The following VPS45 variants were observed in gnomAD, a reference collection of about 807,000 sequenced individuals.
VPS45 encodes vacuolar protein sorting-associated protein 45.
A neutral mutation model predicts 75.9 loss-of-function variants in VPS45; 35 were observed. The observed-to-expected ratio is 0.46, with a 90% CI of 0.35 to 0.61. The LOEUF (loss-of-function observed/expected upper bound fraction) is 0.61. Among genes scored for constraint, VPS45 ranks in the 20% least tolerant of loss-of-function variants. The pLI is 0.00. For synonymous variants in VPS45, 220 were observed against 238.2 expected, an observed-to-expected ratio of 0.92 and a Z score of 0.70; for missense variants, 559 against 685.9, an observed-to-expected ratio of 0.81 and a Z score of 2.07.
chr1:150,131,628 A>G lies in VPS45; in HGVS notation c.1626-13081A>G, dbSNP rs960509549. Reference sequence around the variant, plus strand: ...GACAGGAGAATCACTTGAGGCCAGGAGTTCGAGACCAATCTGGGCAACAAA... The same window carrying G: ...GACAGGAGAATCACTTGAGGCCAGGGGTTCGAGACCAATCTGGGCAACAAA... On this transcript the variant is annotated intron_variant, in intron 14 of 14. Transcript: ENST00000644510. Among the ~76,000 whole-genome samples, 26 of 151,276 alleles carry G rather than the reference A, an allele frequency of 1.7e-4. 1 individual carries two copies. The highest frequency in any genetic ancestry group is 5.9e-5 in the Non-Finnish European group (4 of 67,944).
intron 7 of VPS45, 91 bp downstream of exon 7, chr1:150,077,870 T>C (rs1655484926): frequency 8.8e-6 from 9 of 1,021,720 alleles, no homozygotes; most frequent in South Asian, 1.4e-5. Context: ...GGTCCATTTA[T>C]TTGCCTCCTT....
At chr1:150,087,713 C>T (rs74127422) in intron 10 of VPS45, among the ~76,000 whole-genome samples, 3,276 of 152,262 alleles carry the variant, frequency 0.022, 97 homozygotes, top group African/African-American at 0.074. Flanking sequence ...AAAGAAAGAA[C>T]TCAGCTTGTA....
At chr1:150,103,666 A>G (rs1657167285) in intron 13 of VPS45, among the ~76,000 whole-genome samples, 1 of 152,200 alleles carries the variant, frequency 6.6e-6, no homozygotes, top group Non-Finnish European at 1.5e-5. Flanking sequence ...CTAAAAGCCC[A>G]CTTGAATTTG....
intron 14 of VPS45, among the ~76,000 whole-genome samples, chr1:150,117,625 G>A (rs985488407): frequency 6.6e-5 from 10 of 152,120 alleles, no homozygotes; most frequent in South Asian, 2.1e-4. Flanking sequence ...TTGGGAGACC[G>A]AAGTGGGCAG....
At chr1:150,136,498 C>T (rs934392776) in intron 14 of VPS45, among the ~76,000 whole-genome samples, 6 of 150,830 alleles carry the variant, frequency 4.0e-5, no homozygotes, top group African/African-American at 1.2e-4. Flanking sequence ...GAGGTTGCAG[C>T]GAGCCAAGAT....
chr1:150,124,608 C>T (rs587648668), intron 14 of VPS45, among the ~76,000 whole-genome samples: 24 of 139,340 alleles, frequency 1.7e-4, no homozygotes, highest in African/African-American at 6.4e-4. Flanking sequence ...AGTGCAGTGG[C>T]ACAATCCCGC....
chr1:150,078,277 C>T lies in VPS45; in HGVS notation c.687+498C>T, dbSNP rs1449236512. ...TGCCTACTAGGTTAAAAAGAAACTC[C>T]TGAACTTGGCATCCAAGAGCCTTCA... is the stretch of plus-strand genomic sequence containing the variant. On this transcript the variant is annotated intron_variant, in intron 7 of 14. Transcript: ENST00000644510. Among the ~76,000 whole-genome samples, 4 of 152,282 alleles carry T rather than the reference C, an allele frequency of 2.6e-5. No homozygotes were observed. In the East Asian group the frequency reaches 7.7e-4, roughly 29 times the overall value.
intron 14 of VPS45, among the ~76,000 whole-genome samples, chr1:150,112,046 A>G (rs1657677896): frequency 1.3e-5 from 2 of 152,278 alleles, no homozygotes; most frequent in South Asian, 4.1e-4. Flanking sequence ...AACTTGGGCC[A>G]ATTACTAACC....
intron 10 of VPS45, among the ~76,000 whole-genome samples, chr1:150,083,677 A>C (rs1553800020): frequency 6.7e-6 from 1 of 148,330 alleles, no homozygotes; most frequent in East Asian, 1.9e-4. Flanking sequence ...TATTTTCTAT[A>C]TATATATAAA....
In VPS45 at chr1:150,092,085, A is replaced by G; in HGVS notation, c.1253A>G (p.Lys418Arg). The G allele has an allele frequency of 6.2e-7, 1 of 1,613,510 alleles. No homozygotes were observed. Among genetic ancestry groups the G allele is most frequent in the Non-Finnish European group, 8.5e-7 (1 of 1,179,742 alleles). ...MDLRNKGVSE[K>R]YRKLVSAVVE... is the part of the protein sequence containing the mutation. The stretch of plus-strand genomic sequence containing the variant: ...CTCAGGAATAAAGGTGTTTCTGAGA[A>G]GTATCGAAAGGTAACCAGTTTCCAT... Residue 418 changes from lysine (K) to arginine (R), a missense_variant, in exon 11 of 15, where the codon AAG becomes AGG. Coordinates refer to ENST00000644510, the MANE Select transcript of VPS45 (RefSeq NM_007259.5).
chr1:150,086,185 C>T (rs1656005759), intron 10 of VPS45, among the ~76,000 whole-genome samples: 1 of 152,036 alleles, frequency 6.6e-6, no homozygotes, highest in Non-Finnish European at 1.5e-5. Context: ...TGGCTAAGAG[C>T]TTGGGCCTTT....
chr1:150,141,784 G>T (rs1160029434), intron 14 of VPS45, among the ~76,000 whole-genome samples: 1 of 152,124 alleles, frequency 6.6e-6, no homozygotes, highest in Non-Finnish European at 1.5e-5. Flanking sequence ...CTTAAGGTAG[G>T]AATCATAACT....
chr1:150,134,496 C>T lies in VPS45; in HGVS notation c.1626-10213C>T, dbSNP rs587757477. Among the ~76,000 whole-genome samples the T allele has an allele frequency of 7.2e-5, 11 of 152,268 alleles. No individual in the cohort carries two copies. In the East Asian group the frequency reaches 2.1e-3, roughly 29 times the overall value. ...AGTAACATAGATGTATCCATGTGTTCCTCTCCAATTACATCCCTTATCTCC... is the reference window on the plus strand; with the variant it reads ...AGTAACATAGATGTATCCATGTGTTTCTCTCCAATTACATCCCTTATCTCC... On this transcript the variant is annotated intron_variant, in intron 14 of 14. Coordinates refer to ENST00000644510, the MANE Select transcript of VPS45 (RefSeq NM_007259.5).
intron 13 of VPS45, chr1:150,099,142 A>T (rs1265546669): frequency 1.1e-6 from 1 of 880,628 alleles, no homozygotes; most frequent in Non-Finnish European, 1.4e-6. Context: ...AATAGATAAA[A>T]TGTTGCCTTT....
Position 150,075,908 on chromosome 1 carries a change from C to T in VPS45, c.290-325C>T, listed in dbSNP as rs914651958. On this transcript the variant is annotated intron_variant, in intron 3 of 14. Transcript: ENST00000644510. ...GGGACTACAGGCGTCCGCCACCACG[C>T]CCAGCTAATTTTTTTTTGTATTTTT... Among the ~76,000 whole-genome samples, 5 of 24,428 alleles carry T rather than the reference C, an allele frequency of 2.0e-4. No individual in the cohort carries two copies. The East Asian group carries it at 5.6e-3, about 27-fold the overall frequency. The allele number at this position is 24,428 out of a possible 152,430, so 16.0% of individuals were successfully genotyped here.
chr1:150,102,050 A>G (rs1455497151), intron 13 of VPS45, among the ~76,000 whole-genome samples: 4 of 146,794 alleles, frequency 2.7e-5, no homozygotes, highest in African/African-American at 1.0e-4. Flanking sequence ...CAGCCTGGCC[A>G]ACATGGTGAA....
At chr1:150,082,083 A>G (rs948590462) in intron 9 of VPS45, 86 bp downstream of exon 9, 24 of 779,512 alleles carry the variant, frequency 3.1e-5, no homozygotes, top group Non-Finnish European at 4.4e-5. Flanking sequence ...TTCTGGGTCT[A>G]ATTTCTACCT....
At chr1:150,105,273 A>G (rs1380861751) in intron 13 of VPS45, among the ~76,000 whole-genome samples, 5 of 152,200 alleles carry the variant, frequency 3.3e-5, no homozygotes, top group Non-Finnish European at 7.3e-5. Flanking sequence ...CCCTACCCAG[A>G]GCAATCAGGC....
intron 13 of VPS45, among the ~76,000 whole-genome samples, chr1:150,103,261 G>A (rs2101592940): frequency 1.3e-5 from 2 of 152,146 alleles, no homozygotes; most frequent in South Asian, 4.2e-4. Flanking sequence ...CCATCATATG[G>A]AAAAGATTTG....
Sources: allele counts gnomAD v4.1 joint callset (sites outside exome capture counted in the v4.1 genomes callset), GRCh38; gene constraint gnomAD v4.1.1; transcripts MANE v1.5; gene names NCBI Gene and HGNC (gene_info 2026-07-23, HGNC 2026-07-21).